Variants in RP1L1 observed in about 807,000 individuals in gnomAD.
RP1L1 encodes RP1 like 1, also known as retinitis pigmentosa 1-like 1 protein.
RP1L1 carries 27 observed loss-of-function variants against 15.7 expected under a neutral mutation model. The ratio of observed to expected loss-of-function variants is 1.72; its 90% CI spans 1.27 to 2.38. The LOEUF (loss-of-function observed/expected upper bound fraction) is 2.38. Among genes scored for constraint, RP1L1 ranks in the 30% most tolerant of loss-of-function variants. The probability of loss-of-function intolerance (pLI) is 0.00; values close to 1 mark genes in which losing one functional copy is unlikely to be tolerated. For synonymous variants in RP1L1, 1,813 were observed against 1,276.7 expected, an observed-to-expected ratio of 1.42 and a Z score of -8.96; for missense variants, 4,798 against 3,075.9, an observed-to-expected ratio of 1.56 and a Z score of -13.24.
At chr8:10,647,836 A>G (rs1798501723) in intron 1 of RP1L1, among the ~76,000 whole-genome samples, 1 of 152,212 alleles carries the variant, frequency 6.6e-6, no homozygotes, top group Non-Finnish European at 1.5e-5. Context: ...CCCTGTTTTC[A>G]ATTCTTCTGG....
chr8:10,612,224 G>C lies in RP1L1; in HGVS notation c.1874C>G (p.Ser625Cys), dbSNP rs985770019. The change falls in exon 4 of 4, where the codon TCT becomes TGT. Residue 625 changes from serine (S) to cysteine (C), a missense_variant. Physicochemically the swap from Ser to Cys is moderately radical, Grantham distance 112. Coordinates refer to ENST00000382483, the MANE Select transcript of RP1L1 (RefSeq NM_178857.6). ...TGAAGTGCAGGTGGAAGGGGTGGAA[G>C]AGGCTCCTTCCGAGTCCCAGGAGCA... ...LSCSWDSEGA[S>C]STPSTCTSSQ... 3 of 1,613,266 alleles carry C rather than the reference G, an allele frequency of 1.9e-6. No homozygotes were observed. The South Asian group carries it at 3.3e-5, about 18-fold the overall frequency.
chr8:10,623,297 G>C, intron 1 of RP1L1, 77 bp from the exon 2 acceptor site: 3 of 1,125,102 alleles, frequency 2.7e-6, no homozygotes, highest in African/African-American at 1.6e-5. Context: ...CGTCTTTCTA[G>C]AGGTGCTTCC....
At chr8:10,623,321 TGTG>T in intron 1 of RP1L1, 101 bp from the exon 2 acceptor site, 2 of 848,700 alleles carry the variant, frequency 2.4e-6, no homozygotes, top group Non-Finnish European at 1.8e-6. Context: ...CCACCCCAAA[TGTG>T]CTCCACTCCA....
At position 10,608,817 on chromosome 8, in the gene RP1L1, C is replaced by T. The variant is rs764796563; in HGVS notation, c.5281G>A (p.Gly1761Arg). 21 of 1,614,066 alleles carry T rather than the reference C, an allele frequency of 1.3e-5. No individual in the cohort carries two copies. The highest frequency in any genetic ancestry group is 1.0e-4 in the Admixed American group (6 of 60,006). ...GCCATTGCATCTCCCTCTGCCTCCC[C>T]GAGTTTGGGATCTTTGTCTCTGTTG... ...RLNRDKDPKLGEAEGDAMAQE... is the reference protein window; with the variant it reads ...RLNRDKDPKLREAEGDAMAQE... Residue 1761 changes from glycine to arginine, a missense_variant, in exon 4 of 4, where the codon GGG becomes AGG. By Grantham distance (125) the Gly-to-Arg change is moderately radical (BLOSUM62 -2). Transcript: ENST00000382483.
At chr8:10,624,776 C>T (rs377038370) in intron 1 of RP1L1, among the ~76,000 whole-genome samples, 7 of 152,310 alleles carry the variant, frequency 4.6e-5, no homozygotes, top group African/African-American at 1.2e-4. Flanking sequence ...GTTCAAAACC[C>T]GGCCTGGAAA....
In RP1L1 at chr8:10,612,538, G is replaced by A. The variant is rs368844644; in HGVS notation, c.1560C>T (p.Arg520=). 1.2e-6 allele frequency: 2 copies of A among 1,610,036 alleles called. No homozygotes were observed. Among genetic ancestry groups the A allele is most frequent in the Admixed American group, 1.7e-5 (1 of 59,966 alleles). The change falls in exon 4 of 4, where the codon CGC becomes CGT. Residue 520 remains arginine (R), a synonymous_variant. Transcript: ENST00000382483. ...CCTCACTCCGGGCCCTCGGTGTCAG[G>A]CGGCCGCCTTGCTCTGGGCCGCCCA... is the stretch of plus-strand genomic sequence containing the variant. ...AGLGGPEQGG[R]LTPRARSEEG... is the part of the protein sequence containing the mutation.
Position 10,610,809 on chromosome 8 carries a change from G to A in RP1L1, c.3289C>T (p.Pro1097Ser). The A allele has an allele frequency of 6.2e-7, 1 of 1,609,494 alleles. No homozygotes were observed. The highest frequency in any genetic ancestry group is 8.5e-7 in the Non-Finnish European group (1 of 1,177,344). Residue 1097 changes from proline (P) to serine (S), a missense_variant, in exon 4 of 4, where the codon CCC becomes TCC. Transcript: ENST00000382483. The part of the protein sequence containing the change: ...RALMGSKQGR[P>S]SSVPEVSRPM... ...CTAGACACTTCGGGCACGCTGCTGG[G>A]CCGGCCCTGCTTGGAGCCCATCAGC...
chr8:10,614,475 C>T (rs1245253483), intron 3 of RP1L1, among the ~76,000 whole-genome samples: 1 of 152,060 alleles, frequency 6.6e-6, no homozygotes, highest in African/African-American at 2.4e-5. Context: ...GCCTGGCCAA[C>T]ATGGGGAAAC....
chr8:10,652,330 TA>T lies in RP1L1; in HGVS notation c.-20+2567del, dbSNP rs532310888. On this transcript the variant is annotated intron_variant, in intron 1 of 3. Coordinates refer to ENST00000382483, the MANE Select transcript of RP1L1 (RefSeq NM_178857.6). ...TAGAACTTAGGGCCCCAGCTAACAG[TA>T]AGGCTGACAATATAGATATCCATCC... 2.3e-3 allele frequency among the ~76,000 whole-genome samples: 345 copies of T among 152,298 alleles called. 2 individuals carry two copies. The highest frequency in any genetic ancestry group is 4.1e-3 in the Admixed American group (63 of 15,302).
At position 10,612,326 on chromosome 8, in the gene RP1L1, G is replaced by C. The variant is rs371497853; in HGVS notation, c.1772C>G (p.Ala591Gly). The C allele has an allele frequency of 4.3e-6, 7 of 1,613,092 alleles. No individual in the cohort carries two copies. In the African/African-American group the frequency reaches 9.3e-5, roughly 22 times the overall value. The change falls in exon 4 of 4, where the codon GCA becomes GGA. Residue 591 changes from alanine (A) to glycine (G), a missense_variant. Ala to Gly is a moderately conservative substitution (Grantham distance 60). Transcript: ENST00000382483. Reference sequence around the variant, plus strand: ...CTCGGTGCCCTGTCCTTGCGTCTCTGCCTGCAGGTCGTCACTCCTTAAAGA... The same window carrying C: ...CTCGGTGCCCTGTCCTTGCGTCTCTCCCTGCAGGTCGTCACTCCTTAAAGA... ...LSSLRSDDLQ[A>G]ETQGQGTEQA...
chr8:10,629,805 T>C (rs1208453204), intron 1 of RP1L1, among the ~76,000 whole-genome samples: 2 of 152,032 alleles, frequency 1.3e-5, no homozygotes, highest in Admixed American at 6.5e-5. Context: ...TCAAGATGCC[T>C]CACAGTCAGA....
At chr8:10,613,805 A>AG (rs1238304510) in intron 3 of RP1L1, among the ~76,000 whole-genome samples, 1 of 151,946 alleles carries the variant, frequency 6.6e-6, no homozygotes, top group Non-Finnish European at 1.5e-5. Context: ...AAAGAAAAAA[A>AG]AAAGCATGAT....
intron 3 of RP1L1, among the ~76,000 whole-genome samples, chr8:10,614,333 G>C (rs1002269276): frequency 5.3e-5 from 8 of 152,214 alleles, no homozygotes; most frequent in Non-Finnish European, 1.2e-4. Flanking sequence ...AAGAAGAGAA[G>C]AAAGGGCTGC....
At chr8:10,613,874 T>G (rs1015912844) in intron 3 of RP1L1, among the ~76,000 whole-genome samples, 1 of 152,168 alleles carries the variant, frequency 6.6e-6, no homozygotes, top group Admixed American at 6.5e-5. Context: ...GAACTGGCAT[T>G]GTCTAACAAG....
chr8:10,612,511 C>T lies in RP1L1; in HGVS notation c.1587G>A (p.Glu529=). The change falls in exon 4 of 4, where the codon GAG becomes GAA. Residue 529 remains glutamate, a synonymous_variant. Transcript: ENST00000382483. ...GRLTPRARSE[E]GASSDSSAST... ...TGGCTGACGAGTCCGAAGAAGCCCC[C>T]TCCTCACTCCGGGCCCTCGGTGTCA... is the stretch of plus-strand genomic sequence containing the variant. 3.7e-6 allele frequency: 6 copies of T among 1,612,030 alleles called. No individual in the cohort carries two copies. The highest frequency in any genetic ancestry group is 4.2e-6 in the Non-Finnish European group (5 of 1,179,938).
intron 1 of RP1L1, among the ~76,000 whole-genome samples, chr8:10,640,874 G>A (rs1005919091): frequency 3.3e-5 from 5 of 152,032 alleles, no homozygotes; most frequent in Non-Finnish European, 5.9e-5. Context: ...AGGCTGAAGC[G>A]ATCCTCTCAC....
At chr8:10,644,648 A>AC (rs559996474) in intron 1 of RP1L1, among the ~76,000 whole-genome samples, 33 of 151,928 alleles carry the variant, frequency 2.2e-4, no homozygotes, top group African/African-American at 8.0e-4. Flanking sequence ...CAGAACAAAA[A>AC]CCCTGCCCCT....
chr8:10,635,124 C>T (rs1399601745), intron 1 of RP1L1, among the ~76,000 whole-genome samples: 1 of 152,150 alleles, frequency 6.6e-6, no homozygotes, highest in African/African-American at 2.4e-5. Context: ...GCTGGGGACT[C>T]GGGTGACGCG....
At chr8:10,645,003 C>T (rs1482602952) in intron 1 of RP1L1, among the ~76,000 whole-genome samples, 1 of 152,198 alleles carries the variant, frequency 6.6e-6, no homozygotes, top group Non-Finnish European at 1.5e-5. Flanking sequence ...GACACAACTT[C>T]AGTGACCCCA....
Sources: allele counts gnomAD v4.1 joint callset (sites outside exome capture counted in the v4.1 genomes callset), GRCh38; gene constraint gnomAD v4.1.1; transcripts MANE v1.5; gene names NCBI Gene and HGNC (gene_info 2026-07-23, HGNC 2026-07-21).